CADPS2: variants seen among roughly 807,000 people sequenced by gnomAD.
The protein encoded by CADPS2 is calcium-dependent secretion activator 2.
CADPS2 carries 93 observed loss-of-function variants against 172.5 expected under a neutral mutation model. The observed-to-expected ratio is 0.54, with a 90% confidence interval of 0.46 to 0.64. CADPS2 has a LOEUF of 0.64. Among genes scored for constraint, CADPS2 ranks in the 30% least tolerant of loss-of-function variants. The probability of loss-of-function intolerance (pLI) is 0.00; values close to 1 mark genes in which losing one functional copy is unlikely to be tolerated. For synonymous variants in CADPS2, 546 were observed against 555.2 expected (o/e 0.98, Z 0.23); for missense variants, 1,420 against 1,565.9 (o/e 0.91, Z 1.57).
At chr7:122,519,559 C>T (rs1269882023) in intron 8 of CADPS2, among the ~76,000 whole-genome samples, 1 of 151,154 alleles carries the variant, frequency 6.6e-6, no homozygotes, top group African/African-American at 2.5e-5. Flanking sequence ...AGTATTAATC[C>T]CTCTCTTGGG....
intron 1 of CADPS2, among the ~76,000 whole-genome samples, chr7:122,776,475 G>C (rs925781409): frequency 1.3e-5 from 2 of 151,986 alleles, no homozygotes; most frequent in Non-Finnish European, 2.9e-5. Context: ...CTGGTAGAGT[G>C]GGGTACTGCT....
chr7:122,771,835 T>C (rs1428593917), intron 1 of CADPS2, among the ~76,000 whole-genome samples: 1 of 152,124 alleles, frequency 6.6e-6, no homozygotes, highest in African/African-American at 2.4e-5. Context: ...CAGTCCAAGC[T>C]GGAAATAACA....
rs111667123 is a variant in CADPS2 at position 122,749,764 on chromosome 7, G to A, written c.340-12696C>T. On this transcript the variant is annotated intron_variant, in intron 1 of 29. Transcript: ENST00000449022. The stretch of plus-strand genomic sequence containing the variant: ...CATCATTGTTAACAAATTTACATTA[G>A]CAAATTCAAGGATTTGTGAGGATTA... Among the ~76,000 whole-genome samples, 369 of 151,980 alleles carry A rather than the reference G, an allele frequency of 2.4e-3. 1 individual carries two copies. The highest frequency in any genetic ancestry group is 8.1e-3 in the African/African-American group (336 of 41,444).
chr7:122,643,518 C>T (rs2077928167), intron 3 of CADPS2, among the ~76,000 whole-genome samples: 1 of 152,200 alleles, frequency 6.6e-6, no homozygotes, highest in East Asian at 1.9e-4. Context: ...TGAGTTTCAG[C>T]TTTGCACTTC....
chr7:122,710,663 C>A (rs992765980), intron 2 of CADPS2, among the ~76,000 whole-genome samples: 5 of 152,052 alleles, frequency 3.3e-5, no homozygotes, highest in African/African-American at 1.2e-4. Context: ...CTTTTTCTTC[C>A]ATTTTCCAGC....
Position 122,600,227 on chromosome 7 carries a change from A to T in CADPS2, c.1223+14954T>A, listed in dbSNP as rs1587728245. On this transcript the variant is annotated intron_variant, in intron 6 of 29. Transcript: ENST00000449022. ...AAGTCAAGGAATTAGCCTCTTTGCA[A>T]ACAGAAAGAGCAGCTCCATGGAGTC... is the stretch of plus-strand genomic sequence containing the variant. Among the ~76,000 whole-genome samples, 5 of 152,222 alleles carry T rather than the reference A, an allele frequency of 3.3e-5. 1 individual carries two copies. Among genetic ancestry groups the T allele is most frequent in the Admixed American group, 3.3e-4 (5 of 15,258 alleles).
At chr7:122,549,646 A>ATATTAT (rs916714578) in intron 8 of CADPS2, among the ~76,000 whole-genome samples, 2 of 150,958 alleles carry the variant, frequency 1.3e-5, no homozygotes, top group African/African-American at 2.4e-5. Context: ...GTATTAATTA[A>ATATTAT]TATTATTATT....
intron 8 of CADPS2, among the ~76,000 whole-genome samples, chr7:122,533,984 A>C (rs1050039783): frequency 3.2e-4 from 49 of 152,142 alleles, no homozygotes; most frequent in Non-Finnish European, 6.5e-4. Context: ...CTGCTGGCAA[A>C]TGATTGCAAA....
At chr7:122,407,823 A>G (rs1367403066) in intron 19 of CADPS2, 127 bp from the exon 20 acceptor site, 11 of 943,790 alleles carry the variant, frequency 1.2e-5, no homozygotes, top group Non-Finnish European at 1.6e-5. Flanking sequence ...TAAACAAAAT[A>G]TAATAGTTTT....
chr7:122,499,847 A>G (rs1362236434), intron 9 of CADPS2, among the ~76,000 whole-genome samples: 6 of 151,972 alleles, frequency 3.9e-5, no homozygotes, highest in Admixed American at 3.3e-4. Context: ...CAGCTAATTC[A>G]TAAGTTTCTC....
chr7:122,767,528 T>G (rs764735869), intron 1 of CADPS2, among the ~76,000 whole-genome samples: 16 of 152,096 alleles, frequency 1.1e-4, no homozygotes, highest in Non-Finnish European at 1.9e-4. Flanking sequence ...GTGTGACTAT[T>G]TCTAAAATGA....
chr7:122,354,141 A>G (rs1012162630), intron 27 of CADPS2: 3 of 152,218 alleles, frequency 2.0e-5, no homozygotes, highest in African/African-American at 7.2e-5. Flanking sequence ...GATGCGATCA[A>G]TATGGTATAA....
intron 1 of CADPS2, among the ~76,000 whole-genome samples, chr7:122,838,726 A>G (rs375625167): frequency 4.6e-5 from 7 of 152,134 alleles, no homozygotes; most frequent in Non-Finnish European, 7.4e-5. Context: ...TACAAGGGAT[A>G]TGAAGGACCT....
At chr7:122,457,003 C>T (rs1381108533) in intron 14 of CADPS2, among the ~76,000 whole-genome samples, 4 of 152,110 alleles carry the variant, frequency 2.6e-5, no homozygotes, top group Non-Finnish European at 4.4e-5. Context: ...ACAAGTGTGA[C>T]GTGAGCTCTA....
At chr7:122,411,128 A>G (rs1037737105) in intron 19 of CADPS2, among the ~76,000 whole-genome samples, 2 of 152,146 alleles carry the variant, frequency 1.3e-5, no homozygotes, top group East Asian at 3.9e-4. Context: ...TCCATCTACC[A>G]TCAGCAGATC....
At chr7:122,760,478 G>A (rs2093340042) in intron 1 of CADPS2, among the ~76,000 whole-genome samples, 1 of 151,976 alleles carries the variant, frequency 6.6e-6, no homozygotes, top group African/African-American at 2.4e-5. Flanking sequence ...GAAAACACAT[G>A]AATAACTATT....
chr7:122,657,999 G>A (rs1277360058), intron 3 of CADPS2, among the ~76,000 whole-genome samples: 11 of 152,056 alleles, frequency 7.2e-5, no homozygotes, highest in Non-Finnish European at 1.3e-4. Context: ...ATCTGATAAA[G>A]GGCTAATATC....
At chr7:122,613,581 G>A (rs563525640) in intron 6 of CADPS2, among the ~76,000 whole-genome samples, 2 of 152,036 alleles carry the variant, frequency 1.3e-5, no homozygotes, top group South Asian at 2.1e-4. Context: ...CTATTTATAC[G>A]AAATGTCCAG....
At chr7:122,606,495 T>C (rs1249732069) in intron 6 of CADPS2, among the ~76,000 whole-genome samples, 4 of 152,196 alleles carry the variant, frequency 2.6e-5, no homozygotes, top group African/African-American at 4.8e-5. Flanking sequence ...AGGGCCTAAA[T>C]TGAACACACA....
Sources: allele counts gnomAD v4.1 joint callset (sites outside exome capture counted in the v4.1 genomes callset), GRCh38; gene constraint gnomAD v4.1.1; transcripts MANE v1.5; gene names NCBI Gene and HGNC (gene_info 2026-07-23, HGNC 2026-07-21).